Variants in ADARB2 observed in about 807,000 individuals in gnomAD.
The protein encoded by ADARB2 is adenosine deaminase RNA specific B2 (inactive).
A neutral mutation model predicts 62.2 loss-of-function variants in ADARB2; 25 were observed. The ratio of observed to expected loss-of-function variants is 0.40; its 90% CI spans 0.29 to 0.56. The LOEUF (loss-of-function observed/expected upper bound fraction) is 0.56, where lower values mean the gene tolerates loss of function less well. Among genes scored for constraint, ADARB2 ranks in the 20% least tolerant of loss-of-function variants. The pLI, the probability that ADARB2 is intolerant of heterozygous loss-of-function variation, is 0.43. For missense variants in ADARB2, 1,071 were observed against 1,077.4 expected, an observed-to-expected ratio of 0.99 and a Z score of 0.08; for synonymous variants, 572 against 500.8, an observed-to-expected ratio of 1.14 and a Z score of -1.90.
intron 3 of ADARB2, among the ~76,000 whole-genome samples, chr10:1,302,045 C>G (rs1372126955): frequency 6.6e-6 from 1 of 152,222 alleles, no homozygotes; most frequent in Admixed American, 6.5e-5. Flanking sequence ...CGAATAGGAA[C>G]AGCTCCAGTC....
chr10:1,667,415 C>T (rs151200498), intron 1 of ADARB2, among the ~76,000 whole-genome samples: 57 of 152,214 alleles, frequency 3.7e-4, no homozygotes, highest in African/African-American at 1.2e-3. Flanking sequence ...AAATTGCATA[C>T]AAAATTGCAA....
chr10:1,209,634 T>C (rs992160291), intron 7 of ADARB2, among the ~76,000 whole-genome samples: 3 of 117,944 alleles, frequency 2.5e-5, no homozygotes, highest in African/African-American at 6.6e-5. Context: ...CACACCCACA[T>C]CCACACTCAT....
At chr10:1,286,202 A>G (rs1831412793) in intron 3 of ADARB2, among the ~76,000 whole-genome samples, 1 of 152,146 alleles carries the variant, frequency 6.6e-6, no homozygotes, top group African/African-American at 2.4e-5. Context: ...GCCCCCTCTC[A>G]AACAACACAC....
intron 1 of ADARB2, among the ~76,000 whole-genome samples, chr10:1,697,686 G>T (rs1226652441): frequency 6.6e-6 from 1 of 152,206 alleles, no homozygotes; most frequent in African/African-American, 2.4e-5. Flanking sequence ...CCCTCTGCAT[G>T]CTCCCAGGAT....
At chr10:1,508,219 C>T (rs1455418808) in intron 1 of ADARB2, among the ~76,000 whole-genome samples, 4 of 152,188 alleles carry the variant, frequency 2.6e-5, no homozygotes, top group African/African-American at 9.6e-5. Flanking sequence ...CCCTCACTGT[C>T]ACCGACCTCC....
At chr10:1,418,112 C>T (rs888998601) in intron 1 of ADARB2, among the ~76,000 whole-genome samples, 4 of 152,180 alleles carry the variant, frequency 2.6e-5, no homozygotes, top group South Asian at 2.1e-4. Context: ...CCTCCTCTGT[C>T]GGTGGAGGGA....
chr10:1,602,613 C>CAGAT (rs924142299), intron 1 of ADARB2, among the ~76,000 whole-genome samples: 36 of 152,090 alleles, frequency 2.4e-4, no homozygotes, highest in African/African-American at 8.7e-4. Context: ...GGTGGCTGTG[C>CAGAT]AGATACACAC....
chr10:1,710,681 G>C (rs1834939793), intron 1 of ADARB2, among the ~76,000 whole-genome samples: 1 of 152,240 alleles, frequency 6.6e-6, no homozygotes, highest in African/African-American at 2.4e-5. Context: ...GGACTGCAGA[G>C]AGGCACGAGG....
chr10:1,472,151 G>T (rs1236635141), intron 1 of ADARB2, among the ~76,000 whole-genome samples: 9 of 152,200 alleles, frequency 5.9e-5, no homozygotes, highest in Non-Finnish European at 1.0e-4. Flanking sequence ...GGCTTGTCTT[G>T]CTGCTTCTTT....
rs149503178 is a variant in ADARB2 at position 1,379,053 on chromosome 10, C to T, written c.187+21G>A. 2.2e-4 allele frequency: 354 copies of T among 1,599,794 alleles called. No individual in the cohort carries two copies. The African/African-American group carries it at 3.3e-3, about 15-fold the overall frequency. ...AGGATACAGGGGCCTTTGTGTACTT[C>T]GGGGAAGGGAAGTTGCTTACTGAGG... On this transcript the variant is annotated intron_variant, in intron 2 of 9. Coordinates refer to ENST00000381312, the MANE Select transcript of ADARB2 (RefSeq NM_018702.4).
intron 3 of ADARB2, among the ~76,000 whole-genome samples, chr10:1,307,319 AC>A (rs1463598444): frequency 8.6e-6 from 1 of 116,522 alleles, no homozygotes; most frequent in Non-Finnish European, 1.9e-5. Flanking sequence ...GCCAAAAAAC[AC>A]ATGAAAAAAT....
At position 1,274,345 on chromosome 10, in the gene ADARB2, T is replaced by C. The variant is rs115956270; in HGVS notation, c.1078-3276A>G. Among the ~76,000 whole-genome samples the C allele has an allele frequency of 4.3e-3, 657 of 152,372 alleles. 7 individuals carry two copies. Among genetic ancestry groups the C allele is most frequent in the African/African-American group, 0.015 (622 of 41,582 alleles). On this transcript the variant is annotated intron_variant, in intron 3 of 9. Transcript: ENST00000381312. ...TCTGGGTGATTCATGGGTGTTAATG[T>C]TGATTCAAGGACAAAACTACATCTT... is the stretch of plus-strand genomic sequence containing the variant.
chr10:1,629,219 C>G (rs948177094), intron 1 of ADARB2, among the ~76,000 whole-genome samples: 5 of 152,244 alleles, frequency 3.3e-5, no homozygotes, highest in African/African-American at 9.6e-5. Flanking sequence ...GACAAGAAAA[C>G]TAAGGCCCAG....
intron 1 of ADARB2, among the ~76,000 whole-genome samples, chr10:1,563,964 C>T (rs1376488786): frequency 6.7e-6 from 1 of 149,860 alleles, no homozygotes; most frequent in Non-Finnish European, 1.5e-5. Flanking sequence ...ATGAACTCAT[C>T]ATTTTTTATG....
At chr10:1,677,029 A>T (rs1352083289) in intron 1 of ADARB2, among the ~76,000 whole-genome samples, 1 of 152,236 alleles carries the variant, frequency 6.6e-6, no homozygotes, top group African/African-American at 2.4e-5. Context: ...CTTCACACTT[A>T]TCAGGCAGCT....
chr10:1,213,231 A>G (rs1389567969), intron 7 of ADARB2, among the ~76,000 whole-genome samples: 4 of 151,898 alleles, frequency 2.6e-5, no homozygotes, highest in African/African-American at 7.3e-5. Context: ...AGAGAAAGAG[A>G]CAGAGAGACA....
chr10:1,433,725 A>G (rs888151231), intron 1 of ADARB2, among the ~76,000 whole-genome samples: 1 of 152,206 alleles, frequency 6.6e-6, no homozygotes, highest in African/African-American at 2.4e-5. Flanking sequence ...AATTGTGGGG[A>G]GAACAATACA....
At chr10:1,271,629 CATGCACACACACAG>C (rs1406897511) in intron 3 of ADARB2, among the ~76,000 whole-genome samples, 1 of 144,486 alleles carries the variant, frequency 6.9e-6, no homozygotes, top group African/African-American at 2.6e-5. Flanking sequence ...TATGCACACA[CATGCACACACACAG>C]ACACACACAT....
intron 1 of ADARB2, among the ~76,000 whole-genome samples, chr10:1,691,868 T>G (rs555876698): frequency 9.1e-4 from 139 of 152,138 alleles, no homozygotes; most frequent in African/African-American, 3.3e-3. Context: ...CTCAGTCACC[T>G]GTGCTCTCTC....
Sources: gnomAD v4.1 joint callset for allele counts (sites outside exome capture counted in the v4.1 genomes callset) on GRCh38, gnomAD v4.1.1 for gene constraint, MANE v1.5 for transcripts, NCBI Gene and HGNC (gene_info 2026-07-23, HGNC 2026-07-21) for gene names.